The following CEP128 variants were observed in gnomAD, a reference collection of about 807,000 sequenced individuals.
CEP128 encodes the protein centrosomal protein 128, also known as centrosomal protein 128kDa.
Under a neutral mutation model 156.7 loss-of-function variants are expected in CEP128, and 132 were observed. The observed-to-expected ratio is 0.84, with a 90% CI of 0.73 to 0.97. CEP128 has a LOEUF of 0.97. CEP128 is among the 50% of genes least tolerant of loss of function. CEP128 has a pLI of 0.00. For synonymous variants in CEP128, 469 were observed against 448.9 expected (o/e 1.04, Z -0.57); for missense variants, 1,252 against 1,281.9 (o/e 0.98, Z 0.36).
chr14:80,627,468 A>G (rs146406617), intron 19 of CEP128, among the ~76,000 whole-genome samples: 4 of 152,370 alleles, frequency 2.6e-5, no homozygotes, highest in Non-Finnish European at 5.9e-5. Context: ...CCTCATTACT[A>G]ATGCTGTTGG....
chr14:80,792,232 G>C (rs1416741814), intron 14 of CEP128, among the ~76,000 whole-genome samples: 1 of 152,200 alleles, frequency 6.6e-6, no homozygotes, highest in African/African-American at 2.4e-5. Flanking sequence ...AGAGGGTTGT[G>C]ATCCCATAAC....
intron 7 of CEP128, 44 bp downstream of exon 7, chr14:80,899,894 C>A: frequency 7.7e-7 from 1 of 1,302,218 alleles, no homozygotes; most frequent in South Asian, 1.2e-5. Context: ...AATTTATTCT[C>A]CTCATAATTT....
At chr14:80,704,213 T>A in intron 19 of CEP128, among the ~76,000 whole-genome samples, 1 of 152,036 alleles carries the variant, frequency 6.6e-6, no homozygotes, top group Non-Finnish European at 1.5e-5. Context: ...AAGATTTTAC[T>A]AAGATTAAAT....
chr14:80,877,409 A>C (rs1198070506), intron 8 of CEP128, among the ~76,000 whole-genome samples: 1 of 152,210 alleles, frequency 6.6e-6, no homozygotes. Context: ...TACTCTATAA[A>C]ATAGCATGAA....
intron 19 of CEP128, among the ~76,000 whole-genome samples, chr14:80,652,837 G>C (rs1894965441): frequency 6.6e-6 from 1 of 152,102 alleles, no homozygotes; most frequent in African/African-American, 2.4e-5. Context: ...TCCCATTACT[G>C]GGTATAAACC....
intron 9 of CEP128, among the ~76,000 whole-genome samples, chr14:80,849,421 C>T (rs1210367870): frequency 2.0e-5 from 3 of 152,028 alleles, no homozygotes; most frequent in African/African-American, 4.8e-5. Flanking sequence ...CTAACACTGG[C>T]GAGGAAAGTT....
intron 8 of CEP128, among the ~76,000 whole-genome samples, chr14:80,870,804 T>C (rs1042120153): frequency 2.0e-5 from 3 of 151,630 alleles, no homozygotes; most frequent in African/African-American, 7.3e-5. Flanking sequence ...AGAAGTCAAA[T>C]TGTCCCTGTT....
At chr14:80,679,433 C>T (rs1038771431) in intron 19 of CEP128, among the ~76,000 whole-genome samples, 1 of 152,122 alleles carries the variant, frequency 6.6e-6, no homozygotes, top group African/African-American at 2.4e-5. Context: ...CTATAAACAG[C>T]TGCTCTGGGA....
intron 19 of CEP128, among the ~76,000 whole-genome samples, chr14:80,589,742 G>A (rs1359395316): frequency 1.3e-5 from 2 of 152,076 alleles, no homozygotes; most frequent in African/African-American, 2.4e-5. Flanking sequence ...TCAAGGTACA[G>A]TTTGGTATGT....
chr14:80,611,269 A>T (rs1892983335), intron 19 of CEP128, among the ~76,000 whole-genome samples: 1 of 151,714 alleles, frequency 6.6e-6, no homozygotes, highest in African/African-American at 2.4e-5. Flanking sequence ...AGAACCTTAC[A>T]TTGCCATGAA....
intron 13 of CEP128, among the ~76,000 whole-genome samples, chr14:80,826,589 C>T (rs1318317049): frequency 1.3e-5 from 2 of 152,004 alleles, no homozygotes. Context: ...TTGTATTGTA[C>T]TAATCATAAA....
chr14:80,502,279 G>A (rs1006503216), intron 24 of CEP128, among the ~76,000 whole-genome samples: 2 of 152,166 alleles, frequency 1.3e-5, no homozygotes, highest in Non-Finnish European at 2.9e-5. Flanking sequence ...TAAAAGAAAA[G>A]AGTGAAACAA....
rs548759023 is a variant in CEP128, at chr14:80,809,988, G to C, written c.1210-16878C>G. Among the ~76,000 whole-genome samples the C allele has an allele frequency of 9.6e-4, 145 of 151,702 alleles. 1 individual carries two copies. Among genetic ancestry groups the C allele is most frequent in the Non-Finnish European group, 1.8e-3 (123 of 67,880 alleles). On this transcript the variant is annotated intron_variant, in intron 13 of 24. Transcript: ENST00000555265. ...CCACAGAAAATCAGCAAACCACAAG[G>C]ACAACAACAAGGACAATAAGCAAAA...
chr14:80,606,911 C>T (rs966417333), intron 19 of CEP128, among the ~76,000 whole-genome samples: 1 of 151,894 alleles, frequency 6.6e-6, no homozygotes, highest in Non-Finnish European at 1.5e-5. Flanking sequence ...TAAAACAAGA[C>T]ACATACTCTT....
intron 19 of CEP128, among the ~76,000 whole-genome samples, chr14:80,702,221 C>A (rs1219330882): frequency 6.6e-6 from 1 of 151,992 alleles, no homozygotes; most frequent in African/African-American, 2.4e-5. Flanking sequence ...TTTCTAGTTT[C>A]GAAAATAGAG....
chr14:80,500,634 G>A (rs935763618), intron 24 of CEP128, among the ~76,000 whole-genome samples: 18 of 152,048 alleles, frequency 1.2e-4, no homozygotes, highest in African/African-American at 4.1e-4. Context: ...CTACCTCTCT[G>A]AATTCCACAA....
At chr14:80,784,706 C>T (rs769702601) in intron 15 of CEP128, among the ~76,000 whole-genome samples, 189 bp downstream of exon 15, 13 of 152,184 alleles carry the variant, frequency 8.5e-5, no homozygotes, top group Non-Finnish European at 1.5e-4. Flanking sequence ...GAAATAGGTG[C>T]TCCCAGGTGG....
intron 22 of CEP128, among the ~76,000 whole-genome samples, chr14:80,529,928 G>A (rs972443117): frequency 1.3e-5 from 2 of 151,712 alleles, no homozygotes; most frequent in African/African-American, 4.8e-5. Flanking sequence ...TAGACCTTGG[G>A]AACCACATTA....
intron 20 of CEP128, among the ~76,000 whole-genome samples, chr14:80,574,087 G>T (rs1228343131): frequency 6.6e-6 from 1 of 152,206 alleles, no homozygotes; most frequent in African/African-American, 2.4e-5. Context: ...TCTTAGGGAT[G>T]AGTAGGGACT....
Sources: allele counts gnomAD v4.1 joint callset (sites outside exome capture counted in the v4.1 genomes callset), GRCh38; gene constraint gnomAD v4.1.1; transcripts MANE v1.5; gene names NCBI Gene and HGNC (gene_info 2026-07-23, HGNC 2026-07-21).